Variants in HNRNPF observed in about 807,000 individuals in gnomAD.
HNRNPF encodes HnRNP F protein.
In HNRNPF, 2 loss-of-function variants were observed where a neutral mutation model predicts 26.0. The observed-to-expected ratio is 0.08, with a 90% CI of 0.03 to 0.24. HNRNPF has a LOEUF of 0.24. HNRNPF is among the 10% of genes least tolerant of loss of function. HNRNPF has a pLI of 1.00. For missense variants in HNRNPF, 299 were observed against 539.2 expected, an observed-to-expected ratio of 0.55 and a Z score of 4.41; for synonymous variants, 234 against 211.5, an observed-to-expected ratio of 1.11 and a Z score of -0.92.
chr10:43,387,167 A>G lies in HNRNPF; in HGVS notation c.718T>C (p.Tyr240His), dbSNP rs1564392707. 1 of 1,614,152 alleles carries G rather than the reference A, an allele frequency of 6.2e-7. No homozygotes were observed. Among genetic ancestry groups the G allele is most frequent in the Non-Finnish European group, 8.5e-7 (1 of 1,180,026 alleles). Residue 240 changes from tyrosine to histidine, a missense_variant, in exon 4 of 4, where the codon TAC becomes CAC. Physicochemically the swap from Tyr to His is moderately conservative, Grantham distance 83. Around this residue, in one of 6 missense-constraint regions of HNRNPF, gnomAD observed 74 missense variants for 77.7 expected, o/e 0.95. Coordinates refer to ENST00000682386, the MANE Select transcript of HNRNPF (RefSeq NM_001098204.2). This position sits in a 1 kb window ranked among gnomAD's most constrained non-coding sequence, Gnocchi z 6.0. The stretch of plus-strand genomic sequence containing the variant: ...CCACTGTACTCCTCGTAGCCCCCGT[A>G]GCCTGTGCTGTAGGCACCAGGCCTC... ...RMRPGAYSTG[Y>H]GGYEEYSGLS...
intron 1 of HNRNPF, among the ~76,000 whole-genome samples, chr10:43,404,921 A>G (rs1415662962): frequency 6.6e-6 from 1 of 152,200 alleles, no homozygotes; most frequent in Non-Finnish European, 1.5e-5. Context: ...ACCACGGAAA[A>G]ACAATCAGAA....
intron 2 of HNRNPF, among the ~76,000 whole-genome samples, chr10:43,394,983 G>T (rs1838415106): frequency 6.6e-6 from 1 of 152,106 alleles, no homozygotes; most frequent in Non-Finnish European, 1.5e-5. Flanking sequence ...ACCCCACCCA[G>T]CGAATTTTTG....
intron 1 of HNRNPF, among the ~76,000 whole-genome samples, chr10:43,405,651 C>T (rs527278079): frequency 1.1e-3 from 158 of 146,682 alleles, no homozygotes; most frequent in Non-Finnish European, 1.8e-3. Context: ...AGCAAGATTC[C>T]GTCTCGGAAA....
chr10:43,406,098 G>T (rs1375460096), intron 1 of HNRNPF, among the ~76,000 whole-genome samples: 1 of 152,142 alleles, frequency 6.6e-6, no homozygotes, highest in Non-Finnish European at 1.5e-5. Context: ...TTAGAAAATG[G>T]AGTAAAACTT....
At chr10:43,400,171 G>A (rs1838708598) in intron 1 of HNRNPF, among the ~76,000 whole-genome samples, 1 of 151,974 alleles carries the variant, frequency 6.6e-6, no homozygotes. Context: ...AGTATAGTGA[G>A]ACTCCCATCT....
At chr10:43,402,673 CAACTTA>C in intron 1 of HNRNPF, among the ~76,000 whole-genome samples, 1 of 152,258 alleles carries the variant, frequency 6.6e-6, no homozygotes, top group East Asian at 1.9e-4. Context: ...TATCTAACAC[CAACTTA>C]AATTAGAAAA....
chr10:43,390,409 G>C (rs955771340), intron 3 of HNRNPF, among the ~76,000 whole-genome samples: 2 of 152,082 alleles, frequency 1.3e-5, no homozygotes, highest in African/African-American at 4.8e-5. Context: ...CATCGTTCCG[G>C]GTAGGGGAGA....
intron 1 of HNRNPF, among the ~76,000 whole-genome samples, chr10:43,402,856 G>A (rs919656703): frequency 4.0e-5 from 6 of 151,440 alleles, no homozygotes; most frequent in Non-Finnish European, 8.8e-5. Flanking sequence ...AATCTAATAG[G>A]AGTCTTAATC....
chr10:43,406,000 T>TG (rs1838906920), intron 1 of HNRNPF, among the ~76,000 whole-genome samples: 1 of 152,092 alleles, frequency 6.6e-6, no homozygotes, highest in Non-Finnish European at 1.5e-5. Context: ...ATTGTGTCCC[T>TG]GGACACATGA....
intron 1 of HNRNPF, among the ~76,000 whole-genome samples, chr10:43,407,344 G>A (rs1322710965): frequency 6.6e-6 from 1 of 152,098 alleles, no homozygotes; most frequent in Non-Finnish European, 1.5e-5. Flanking sequence ...GAACTAAAGA[G>A]GCGCGTCAGC....
chr10:43,389,057 G>A (rs1047131187), intron 3 of HNRNPF, among the ~76,000 whole-genome samples: 3 of 141,978 alleles, frequency 2.1e-5, no homozygotes, highest in Non-Finnish European at 4.5e-5. Context: ...TGCAACCTCC[G>A]CCTCCTGGGT....
intron 2 of HNRNPF, among the ~76,000 whole-genome samples, chr10:43,395,661 G>A (rs771229502): frequency 9.2e-5 from 14 of 152,142 alleles, no homozygotes; most frequent in Non-Finnish European, 1.8e-4. Flanking sequence ...AAGTACTCTG[G>A]AATCAGGTTT....
intron 1 of HNRNPF, among the ~76,000 whole-genome samples, chr10:43,406,307 C>T (rs1192128293): frequency 6.6e-6 from 1 of 152,146 alleles, no homozygotes; most frequent in Non-Finnish European, 1.5e-5. Context: ...GGAGAAGTAA[C>T]TTTCTATTTA....
At chr10:43,403,122 G>A (rs1157819991) in intron 1 of HNRNPF, among the ~76,000 whole-genome samples, 1 of 152,058 alleles carries the variant, frequency 6.6e-6, no homozygotes, top group Non-Finnish European at 1.5e-5. Flanking sequence ...TCCACCTCCT[G>A]AGTTCAAGCA....
chr10:43,396,306 C>T (rs1020827149), intron 2 of HNRNPF, 150 bp downstream of exon 2: 1 of 152,474 alleles, frequency 6.6e-6, no homozygotes, highest in East Asian at 1.9e-4. Context: ...CCCTCCTAGA[C>T]ACACTCCCGT....
intron 3 of HNRNPF, among the ~76,000 whole-genome samples, chr10:43,390,147 G>A (rs1405359648): frequency 2.6e-5 from 4 of 152,212 alleles, no homozygotes; most frequent in Non-Finnish European, 5.9e-5. Context: ...GTCCACGGAG[G>A]GAATTCTGTG....
intron 3 of HNRNPF, among the ~76,000 whole-genome samples, chr10:43,392,061 T>C (rs374393959): frequency 8.6e-5 from 13 of 151,922 alleles, no homozygotes; most frequent in East Asian, 3.9e-4. Flanking sequence ...CTGACCAACA[T>C]GGTGAAATCC....
intron 3 of HNRNPF, among the ~76,000 whole-genome samples, chr10:43,390,914 G>A (rs1838218928): frequency 1.3e-5 from 2 of 152,186 alleles, no homozygotes; most frequent in African/African-American, 4.8e-5. Context: ...GATGCCAGTA[G>A]CACCCTCCAC....
intron 3 of HNRNPF, among the ~76,000 whole-genome samples, chr10:43,389,460 A>C (rs1407375818): frequency 2.6e-5 from 4 of 152,240 alleles, no homozygotes; most frequent in African/African-American, 9.6e-5. Flanking sequence ...ATACTAAATA[A>C]ATGCTCAACT....
Sources: allele counts gnomAD v4.1 joint callset (sites outside exome capture counted in the v4.1 genomes callset), GRCh38; gene constraint gnomAD v4.1.1; regional missense constraint gnomAD v4.1.1; non-coding constraint Gnocchi (gnomAD v3.1); transcripts MANE v1.5; gene names NCBI Gene and HGNC (gene_info 2026-07-23, HGNC 2026-07-21).